USP4: variants seen among roughly 807,000 people sequenced by gnomAD.
The protein encoded by USP4 is ubiquitin specific peptidase 4.
USP4 carries 72 observed loss-of-function variants against 118.2 expected under a neutral mutation model. The ratio of observed to expected loss-of-function variants is 0.61; its 90% CI spans 0.50 to 0.74. The LOEUF is 0.74. USP4 is among the 30% of genes least tolerant of loss of function. The probability of loss-of-function intolerance (pLI) is 0.00; values close to 1 mark genes in which losing one functional copy is unlikely to be tolerated. For missense variants in USP4, 1,037 were observed against 1,185.7 expected, an observed-to-expected ratio of 0.87 and a Z score of 1.84; for synonymous variants, 415 against 440.4, an observed-to-expected ratio of 0.94 and a Z score of 0.72.
chr3:49,332,242 A>G (rs1375374556), intron 2 of USP4, among the ~76,000 whole-genome samples: 1 of 152,086 alleles, frequency 6.6e-6, no homozygotes. Flanking sequence ...GTGCCATTGC[A>G]CTTCAGCCTA....
chr3:49,325,606 T>C, intron 4 of USP4, 113 bp downstream of exon 4: 3 of 1,478,124 alleles, frequency 2.0e-6, no homozygotes, highest in Non-Finnish European at 2.8e-6. Context: ...CTCGAGATGA[T>C]TTGGGTAACA....
intron 8 of USP4, 104 bp downstream of exon 8, chr3:49,310,516 G>T (rs1301300233): frequency 1.1e-6 from 1 of 940,916 alleles, no homozygotes; most frequent in Admixed American, 1.8e-5. Context: ...CCAACAAGGG[G>T]TAGGCAGGGA....
In USP4 at chr3:49,325,069, C is replaced by G. The variant is rs775888102; in HGVS notation, c.488-30G>C. The G allele has an allele frequency of 3.7e-6, 6 of 1,605,422 alleles. No individual in the cohort carries two copies. In the South Asian group the frequency reaches 6.6e-5, roughly 18 times the overall value. ...GAACAGGCAGAAATATCACTTGGGG[C>G]TTTGTCCACATGCAAGGCTAAAGAC... is the stretch of plus-strand genomic sequence containing the variant. On this transcript the variant is annotated intron_variant, in intron 4 of 21. Transcript: ENST00000265560.
chr3:49,318,629 C>G (rs2047466574), intron 6 of USP4: 3 of 985,274 alleles, frequency 3.0e-6, no homozygotes, highest in Non-Finnish European at 3.6e-6. Context: ...AAACAACCGG[C>G]CAGGTGTGGT....
At chr3:49,330,268 C>T (rs1553627156) in intron 2 of USP4, among the ~76,000 whole-genome samples, 3 of 152,108 alleles carry the variant, frequency 2.0e-5, no homozygotes, top group Non-Finnish European at 4.4e-5. Flanking sequence ...CATGAAACAA[C>T]ATTAATCTCC....
chr3:49,280,698 C>CT (rs763933629), intron 20 of USP4, 46 bp downstream of exon 20: 1 of 1,527,638 alleles, frequency 6.5e-7, no homozygotes, highest in Non-Finnish European at 9.1e-7. Flanking sequence ...AGATGATGGC[C>CT]GAGCACATTT....
chr3:49,303,905 A>G (rs2047286050), intron 9 of USP4, among the ~76,000 whole-genome samples: 1 of 152,152 alleles, frequency 6.6e-6, no homozygotes, highest in Non-Finnish European at 1.5e-5. Context: ...GGCATATGCC[A>G]CCACGCCTGG....
chr3:49,337,568 A>G (rs1034590831), intron 1 of USP4, among the ~76,000 whole-genome samples: 4 of 151,812 alleles, frequency 2.6e-5, no homozygotes, highest in African/African-American at 7.3e-5. Context: ...AGCTGTGACT[A>G]TAGGCACATA....
In USP4 at chr3:49,302,456, C is replaced by A; in HGVS notation, c.1215G>T (p.Leu405Phe). ...QELLAFLLDG[L>F]HEDLNRVKKK... The stretch of plus-strand genomic sequence containing the variant: ...TCTTTACCCGGTTCAGATCTTCATG[C>A]AATCCATCTAGAAGAAAGGCCAGCA... The change falls in exon 10 of 22, where the codon TTG (leucine) becomes TTT (phenylalanine). Residue 405 changes from leucine (L) to phenylalanine (F), a missense_variant. Physicochemically the swap from Leu to Phe is conservative, Grantham distance 22. Coordinates refer to ENST00000265560, the MANE Select transcript of USP4 (RefSeq NM_003363.4). 1.1e-5 allele frequency: 17 copies of A among 1,614,106 alleles called. No individual in the cohort carries two copies. Among genetic ancestry groups the A allele is most frequent in the Non-Finnish European group, 1.4e-5 (17 of 1,180,024 alleles).
chr3:49,306,271 T>C (rs1484455960), intron 8 of USP4, among the ~76,000 whole-genome samples: 2 of 151,120 alleles, frequency 1.3e-5, no homozygotes, highest in East Asian at 3.9e-4. Flanking sequence ...GGTGCGATCT[T>C]GGCTCACTGC....
intron 19 of USP4, among the ~76,000 whole-genome samples, chr3:49,282,672 AGCATTTTAAAATCTACATTTTGTGG>A (rs2047046113): frequency 6.6e-6 from 1 of 151,994 alleles, no homozygotes; most frequent in Non-Finnish European, 1.5e-5. Context: ...TCCCCCAGAA[AGCATTTTAAAATCTACATTTTGTGG>A]GCAACTCCCT....
intron 11 of USP4, among the ~76,000 whole-genome samples, chr3:49,299,518 G>A (rs995062420): frequency 7.3e-5 from 11 of 151,456 alleles, no homozygotes; most frequent in Non-Finnish European, 1.5e-4. Flanking sequence ...TCAGCTGCCC[G>A]AGTAGCTGGG....
intron 2 of USP4, among the ~76,000 whole-genome samples, chr3:49,330,737 G>A (rs947211064): frequency 1.8e-4 from 28 of 152,102 alleles, no homozygotes; most frequent in East Asian, 9.8e-4. Context: ...GAGGCCGGGC[G>A]CGGTGGCTCC....
chr3:49,286,339 G>T lies in USP4; in HGVS notation c.1973-14C>A, dbSNP rs1322075104. The T allele has an allele frequency of 6.2e-7, 1 of 1,611,474 alleles. No individual in the cohort carries two copies. Among genetic ancestry groups the T allele is most frequent in the African/African-American group, 1.3e-5 (1 of 74,756 alleles). ...CCTCATCTTCTCCTGGCACATAAATGGAAAACAATATGTATATAATTTCCT... is the reference window on the plus strand; with the variant it reads ...CCTCATCTTCTCCTGGCACATAAATTGAAAACAATATGTATATAATTTCCT... On this transcript the variant is annotated splice_polypyrimidine_tract_variant and intron_variant, in intron 15 of 21. Coordinates refer to ENST00000265560, the MANE Select transcript of USP4 (RefSeq NM_003363.4).
intron 14 of USP4, among the ~76,000 whole-genome samples, chr3:49,293,082 T>C (rs1200339130): frequency 6.6e-6 from 1 of 150,774 alleles, no homozygotes; most frequent in Non-Finnish European, 1.5e-5. Flanking sequence ...TTTTAAGAAA[T>C]TAAAAACACA....
chr3:49,305,690 C>G, intron 9 of USP4, 25 bp downstream of exon 9: 6 of 1,544,800 alleles, frequency 3.9e-6, no homozygotes, highest in Non-Finnish European at 5.2e-6. Context: ...GGATACCCAA[C>G]CCATATATAT....
At chr3:49,290,984 T>C (rs898249898) in intron 15 of USP4, among the ~76,000 whole-genome samples, 1 of 151,896 alleles carries the variant, frequency 6.6e-6, no homozygotes, top group African/African-American at 2.4e-5. Flanking sequence ...CGCTTTTTTT[T>C]TGGAGACGGA....
intron 2 of USP4, among the ~76,000 whole-genome samples, chr3:49,332,895 G>C (rs1052822350): frequency 4.0e-5 from 6 of 151,794 alleles, no homozygotes; most frequent in African/African-American, 1.2e-4. Context: ...AATTAGTCGA[G>C]TGTGGTGGGG....
chr3:49,278,757 T>C (rs2046987186), intron 21 of USP4, 57 bp downstream of exon 21: 2 of 1,342,256 alleles, frequency 1.5e-6, no homozygotes, highest in Non-Finnish European at 2.1e-6. Flanking sequence ...ATAGAGGCTC[T>C]TCCCAGCTTT....
Sources: allele counts gnomAD v4.1 joint callset (sites outside exome capture counted in the v4.1 genomes callset), GRCh38; gene constraint gnomAD v4.1.1; transcripts MANE v1.5; gene names NCBI Gene and HGNC (gene_info 2026-07-23, HGNC 2026-07-21).